EML4: variants seen among roughly 807,000 people sequenced by gnomAD.
The protein encoded by EML4 is EMAP like 4, also known as echinoderm microtubule-associated protein-like 4.
EML4 carries 72 observed loss-of-function variants against 129.0 expected under a neutral mutation model. That is an observed-to-expected ratio of 0.56 (90% CI 0.46 to 0.68). EML4 has a LOEUF of 0.68. EML4 is among the 30% of genes least tolerant of loss of function. EML4 has a pLI of 0.00. For missense variants in EML4, 1,363 were observed against 1,190.6 expected (o/e 1.14, Z -2.13); for synonymous variants, 532 against 405.0 (o/e 1.31, Z -3.77).
At chr2:42,295,539 T>A (rs773738175) in intron 13 of EML4, 23 bp downstream of exon 13, 1 of 1,600,814 alleles carries the variant, frequency 6.2e-7, no homozygotes, top group Non-Finnish European at 8.5e-7. Context: ...TATATTAAAC[T>A]CATTTCTGGT....
chr2:42,181,754 T>TA (rs1439728639), intron 1 of EML4, among the ~76,000 whole-genome samples: 3 of 152,168 alleles, frequency 2.0e-5, no homozygotes, highest in Admixed American at 6.5e-5. Context: ...TGTGACACAA[T>TA]AAGATGATCC....
chr2:42,283,448 C>A (rs947032910), intron 8 of EML4, among the ~76,000 whole-genome samples: 1 of 147,192 alleles, frequency 6.8e-6, no homozygotes, highest in Non-Finnish European at 1.5e-5. Context: ...GTGAGAACTC[C>A]TTTTAAATGC....
At chr2:42,256,305 G>C (rs1366851441) in intron 2 of EML4, among the ~76,000 whole-genome samples, 196 bp from the exon 3 acceptor site, 1 of 152,158 alleles carries the variant, frequency 6.6e-6, no homozygotes, top group Non-Finnish European at 1.5e-5. Flanking sequence ...CTATAGGTCT[G>C]TTTCGATGGG....
At position 42,169,383 on chromosome 2, in the gene EML4, G is replaced by A; in HGVS notation, c.-229G>A. 1 of 304,536 alleles carries A rather than the reference G, an allele frequency of 3.3e-6. No homozygotes were observed. The highest frequency in any genetic ancestry group is 8.6e-5 in the South Asian group (1 of 11,586). 18.9% of individuals were successfully genotyped at this position (304,536 alleles called of 1,614,324 possible). A position where few individuals can be genotyped will look rare whatever the true frequency, so the allele number is the denominator to read the frequency against. ...GCTCGCGGCTGCTGCCTGGGAGGGA[G>A]GCCGGGCAGGCGGCTGAGCGGCGCG... is the stretch of plus-strand genomic sequence containing the variant. On this transcript the variant is annotated 5_prime_UTR_variant, in exon 1 of 23. Transcript: ENST00000318522.
chr2:42,211,881 G>C (rs1672905323), intron 1 of EML4, among the ~76,000 whole-genome samples: 1 of 151,970 alleles, frequency 6.6e-6, no homozygotes, highest in South Asian at 2.1e-4. Flanking sequence ...GTTTCACTCT[G>C]TCGCCCAGGT....
intron 11 of EML4, among the ~76,000 whole-genome samples, chr2:42,294,638 G>A (rs911555192): frequency 1.3e-5 from 2 of 152,016 alleles, no homozygotes; most frequent in African/African-American, 2.4e-5. Context: ...AGAGGTTGCC[G>A]TGAGCCAAGA....
In EML4 at chr2:42,201,372, A is replaced by C. The variant is rs539755192; in HGVS notation, c.25+31736A>C. Among the ~76,000 whole-genome samples, 8 of 152,356 alleles carry C rather than the reference A, an allele frequency of 5.3e-5. No homozygotes were observed. The East Asian group carries it at 1.2e-3, about 22-fold the overall frequency. On this transcript the variant is annotated intron_variant, in intron 1 of 22. Coordinates refer to ENST00000318522, the MANE Select transcript of EML4 (RefSeq NM_019063.5). The stretch of plus-strand genomic sequence containing the variant: ...AGGGATGAGTTAATTAACTTGCCCA[A>C]GAGCGCACAGCTAGGCTTAATGTAT...
intron 1 of EML4, among the ~76,000 whole-genome samples, chr2:42,222,628 C>T (rs1055820654): frequency 6.6e-6 from 1 of 152,096 alleles, no homozygotes; most frequent in Non-Finnish European, 1.5e-5. Context: ...TCATGTACAC[C>T]TGCTTTCTTG....
At chr2:42,310,146 G>A (rs932042155) in intron 17 of EML4, among the ~76,000 whole-genome samples, 3 of 152,128 alleles carry the variant, frequency 2.0e-5, no homozygotes, top group Non-Finnish European at 4.4e-5. Flanking sequence ...GGCCAAAGAT[G>A]TATGAGATTT....
chr2:42,309,225 G>C (rs1482452362), intron 17 of EML4, among the ~76,000 whole-genome samples: 2 of 151,232 alleles, frequency 1.3e-5, no homozygotes, highest in African/African-American at 4.9e-5. Context: ...GGGCAATATA[G>C]CAAGACCTTG....
At chr2:42,236,385 C>T (rs1316696850) in intron 1 of EML4, among the ~76,000 whole-genome samples, 1 of 152,136 alleles carries the variant, frequency 6.6e-6, no homozygotes, top group African/African-American at 2.4e-5. Context: ...TGTGAATATT[C>T]TTGGACATGT....
intron 1 of EML4, among the ~76,000 whole-genome samples, chr2:42,193,266 G>C (rs536477341): frequency 3.9e-5 from 6 of 152,256 alleles, no homozygotes; most frequent in African/African-American, 1.2e-4. Flanking sequence ...TACCATCTAG[G>C]TTTGTGTAAG....
intron 8 of EML4, among the ~76,000 whole-genome samples, chr2:42,283,236 C>G (rs1379958435): frequency 1.3e-5 from 2 of 152,210 alleles, no homozygotes; most frequent in Non-Finnish European, 2.9e-5. Context: ...CAGTCCTTCT[C>G]TTCTCTGGTC....
intron 1 of EML4, among the ~76,000 whole-genome samples, chr2:42,211,650 G>A (rs946988028): frequency 5.9e-5 from 9 of 152,100 alleles, no homozygotes; most frequent in East Asian, 1.9e-4. Flanking sequence ...TATCCTTCCC[G>A]GAAGGTTTCA....
intron 1 of EML4, among the ~76,000 whole-genome samples, chr2:42,229,076 C>G (rs1359377643): frequency 6.6e-6 from 1 of 151,524 alleles, no homozygotes; most frequent in Non-Finnish European, 1.5e-5. Flanking sequence ...GATCGTGTAC[C>G]CTAGGTACCT....
intron 9 of EML4, 139 bp from the exon 10 acceptor site, chr2:42,286,130 T>A (rs1667294596): frequency 2.9e-6 from 2 of 690,306 alleles, no homozygotes; most frequent in African/African-American, 1.8e-5. Context: ...AAGATTCATT[T>A]GGAGGCATGT....
At chr2:42,213,574 A>G (rs1345938954) in intron 1 of EML4, among the ~76,000 whole-genome samples, 1 of 152,246 alleles carries the variant, frequency 6.6e-6, no homozygotes, top group Non-Finnish European at 1.5e-5. Context: ...ACTTTTATGT[A>G]CTATTTACAT....
Position 42,280,943 on chromosome 2 carries a change from T to G in EML4, c.761T>G (p.Leu254Arg). ...AACTATGATGACATCAGAACGGAAC[T>G]GCCTCCTGAGAAGCTCAAACTGGAG... ...VDNYDDIRTE[L>R]PPEKLKLEWA... The change falls in exon 7 of 23, where the codon CTG (leucine) becomes CGG (arginine). Residue 254 changes from leucine (L) to arginine (R), a missense_variant. Physicochemically the swap from Leu to Arg is moderately radical, Grantham distance 102. Coordinates refer to ENST00000318522, the MANE Select transcript of EML4 (RefSeq NM_019063.5). 3.1e-6 allele frequency: 5 copies of G among 1,610,170 alleles called. No homozygotes were observed. Among genetic ancestry groups the G allele is most frequent in the Non-Finnish European group, 4.2e-6 (5 of 1,178,598 alleles).
At chr2:42,328,616 C>A (rs1456264569) in intron 21 of EML4, among the ~76,000 whole-genome samples, 1 of 152,172 alleles carries the variant, frequency 6.6e-6, no homozygotes, top group Non-Finnish European at 1.5e-5. Context: ...ATTATTAGCA[C>A]CACCTGCTGG....
Sources: allele counts gnomAD v4.1 joint callset (sites outside exome capture counted in the v4.1 genomes callset), GRCh38; gene constraint gnomAD v4.1.1; transcripts MANE v1.5; gene names NCBI Gene and HGNC (gene_info 2026-07-23, HGNC 2026-07-21).